DNAAF1: variants seen among roughly 807,000 people sequenced by gnomAD.
The protein encoded by DNAAF1 is dynein assembly factor 1, axonemal.
Under a neutral mutation model 71.1 loss-of-function variants are expected in DNAAF1, and 65 were observed. The observed-to-expected ratio is 0.91, with a 90% CI of 0.75 to 1.12. The LOEUF (loss-of-function observed/expected upper bound fraction) is 1.12, where lower values mean the gene tolerates loss of function less well. Among genes scored for constraint, DNAAF1 ranks in the 50% most tolerant of loss-of-function variants. DNAAF1 has a pLI of 0.00. For synonymous variants in DNAAF1, 414 were observed against 354.6 expected (o/e 1.17, Z -1.88); for missense variants, 1,178 against 899.8 (o/e 1.31, Z -3.96).
In DNAAF1 at chr16:84,147,752, G is replaced by GC. The variant is rs922871492; in HGVS notation, c.125-1247dup. ...AAGTCTTTTTTAATTAAAGAAATAAGCCCCCCCCAAAAAAAAAATAAAAAT... is the reference window on the plus strand; with the variant it reads ...AAGTCTTTTTTAATTAAAGAAATAAGCCCCCCCCCAAAAAAAAAATAAAAAT... On this transcript the variant is annotated intron_variant, in intron 1 of 11. Transcript: ENST00000378553. Among the ~76,000 whole-genome samples the GC allele has an allele frequency of 4.7e-3, 713 of 150,474 alleles. 5 individuals carry two copies. Among genetic ancestry groups the GC allele is most frequent in the East Asian group, 0.022 (112 of 5,150 alleles).
intron 2 of DNAAF1, among the ~76,000 whole-genome samples, chr16:84,149,497 C>T (rs2087081346): frequency 6.6e-6 from 1 of 151,780 alleles, no homozygotes; most frequent in African/African-American, 2.4e-5. Context: ...CGAGACCAGC[C>T]TGCACAATAT....
At chr16:84,172,108 A>G in intron 8 of DNAAF1, 152 bp from the exon 9 acceptor site, 1 of 742,780 alleles carries the variant, frequency 1.3e-6, no homozygotes, top group Non-Finnish European at 2.4e-6. Flanking sequence ...CAAACTTCTG[A>G]CCTTGTGATC....
At position 84,160,103 on chromosome 16, in the gene DNAAF1, C is replaced by G. The variant is rs8058923; in HGVS notation, c.863+307C>G. Among the ~76,000 whole-genome samples the G allele has an allele frequency of 0.025, 3,865 of 151,984 alleles. 77 individuals carry two copies. Among genetic ancestry groups the G allele is most frequent in the Middle Eastern group, 0.1 (30 of 294 alleles). On this transcript the variant is annotated intron_variant, in intron 6 of 11. Coordinates refer to ENST00000378553, the MANE Select transcript of DNAAF1 (RefSeq NM_178452.6). ...AAGTGGTTTCAGACTTTGTAAAAAC[C>G]CTTACAAATATTTTCTAGTTGTTTT...
At chr16:84,158,075 T>G (rs1424604243) in intron 5 of DNAAF1, among the ~76,000 whole-genome samples, 3 of 151,926 alleles carry the variant, frequency 2.0e-5, no homozygotes, top group Non-Finnish European at 4.4e-5. Context: ...CGTGGTGGCA[T>G]GCACCTGTAG....
intron 5 of DNAAF1, among the ~76,000 whole-genome samples, chr16:84,156,886 T>C (rs2087463464): frequency 7.1e-6 from 1 of 140,408 alleles, no homozygotes; most frequent in African/African-American, 2.7e-5. Context: ...AGGGTCTTGC[T>C]CTGTCACCCA....
At chr16:84,146,029 G>A (rs1348686823) in intron 1 of DNAAF1, among the ~76,000 whole-genome samples, 1 of 151,972 alleles carries the variant, frequency 6.6e-6, no homozygotes, top group African/African-American at 2.4e-5. Context: ...CCCGGGAGGC[G>A]GAGGTTGCAG....
At chr16:84,169,710 C>T (rs1341068708) in intron 7 of DNAAF1, 149 bp from the exon 8 acceptor site, 13 of 1,132,630 alleles carry the variant, frequency 1.1e-5, no homozygotes, top group Middle Eastern at 3.0e-4. Context: ...CACGAGCCAC[C>T]GCGCCCAGCC....
chr16:84,171,982 A>AT (rs1294978451), intron 8 of DNAAF1, among the ~76,000 whole-genome samples: 1 of 150,270 alleles, frequency 6.7e-6, no homozygotes, highest in Non-Finnish European at 1.5e-5. Flanking sequence ...GGTTCAAGCT[A>AT]TTCTCCTGCC....
At chr16:84,150,431 T>A (rs543143840) in intron 3 of DNAAF1, 89 bp downstream of exon 3, 1 of 978,830 alleles carries the variant, frequency 1.0e-6, no homozygotes, top group African/African-American at 1.6e-5. Flanking sequence ...TCACCTTTAG[T>A]TCTCAGAATG....
intron 1 of DNAAF1, among the ~76,000 whole-genome samples, chr16:84,147,767 A>T (rs1007100465): frequency 6.6e-6 from 1 of 152,116 alleles, no homozygotes; most frequent in East Asian, 1.9e-4. Flanking sequence ...CCCCAAAAAA[A>T]AAATAAAAAT....
At position 84,170,159 on chromosome 16, in the gene DNAAF1, C is replaced by T. The variant is rs753934024; in HGVS notation, c.1331C>T (p.Ala444Val). Reference protein sequence around the residue: ...GDGEPEGTLPAEAPPPPPPVE... With the variant: ...GDGEPEGTLPVEAPPPPPPVE... Reference sequence around the variant, plus strand: ...GGAGAGCCAGAGGGGACCCTCCCAGCTGAGGCCCCACCACCCCCGCCACCT... The same window carrying T: ...GGAGAGCCAGAGGGGACCCTCCCAGTTGAGGCCCCACCACCCCCGCCACCT... Residue 444 changes from alanine to valine, a missense_variant, in exon 8 of 12, where the codon GCT becomes GTT. By Grantham distance (64) the Ala-to-Val change is moderately conservative. Coordinates refer to ENST00000378553, the MANE Select transcript of DNAAF1 (RefSeq NM_178452.6). The T allele has an allele frequency of 3.2e-6, 5 of 1,584,998 alleles. No homozygotes were observed. The highest frequency in any genetic ancestry group is 4.3e-6 in the Non-Finnish European group (5 of 1,162,322).
At chr16:84,157,450 G>A (rs561135097) in intron 5 of DNAAF1, among the ~76,000 whole-genome samples, 45 of 142,474 alleles carry the variant, frequency 3.2e-4, no homozygotes, top group African/African-American at 1.2e-3. Flanking sequence ...TTGAACCCAG[G>A]AGGCATTGCA....
In DNAAF1 at chr16:84,176,007, A is replaced by G; in HGVS notation, c.1773A>G (p.Ser591=). The G allele has an allele frequency of 6.2e-7, 1 of 1,614,038 alleles. No homozygotes were observed. Among genetic ancestry groups the G allele is most frequent in the Non-Finnish European group, 8.5e-7 (1 of 1,179,998 alleles). ...DDSDPELDYT[S]LPVLENLPTD... ...GTGACCCTGAACTGGACTACACGTC[A>G]CTCCCTGTGCTGGAAAACCTCCCCA... The change falls in exon 11 of 12, where the codon TCA becomes TCG. Residue 591 remains serine (S), a synonymous_variant. Transcript: ENST00000378553.
rs868490752 is a variant in DNAAF1 at position 84,170,057 on chromosome 16, C to G, written c.1229C>G (p.Pro410Arg). ...PVEAKREDGG[P>R]EPEGTLPAET... is the part of the protein sequence containing the mutation. ...GAGGCTAAAAGAGAGGATGGAGGTC[C>G]AGAGCCAGAGGGGACCCTCCCAGCT... The change falls in exon 8 of 12, where the codon CCA becomes CGA. Residue 410 changes from proline (P) to arginine (R), a missense_variant. Coordinates refer to ENST00000378553, the MANE Select transcript of DNAAF1 (RefSeq NM_178452.6). The G allele has an allele frequency of 6.2e-7, 1 of 1,613,490 alleles. No homozygotes were observed. The highest frequency in any genetic ancestry group is 1.1e-5 in the South Asian group (1 of 91,038).
chr16:84,159,604 T>C (rs2087607448), intron 5 of DNAAF1, 71 bp from the exon 6 acceptor site: 1 of 1,543,474 alleles, frequency 6.5e-7, no homozygotes. Flanking sequence ...TTATTCTTAG[T>C]GCACAGCACA....
At chr16:84,174,954 C>G (rs1293152631) in intron 10 of DNAAF1, 6 of 490,024 alleles carry the variant, frequency 1.2e-5, no homozygotes, top group Non-Finnish European at 2.2e-5. Context: ...CTCCTGGGTT[C>G]AAGCAATTCT....
Position 84,169,978 on chromosome 16 carries a change from G to C in DNAAF1, c.1150G>C (p.Glu384Gln). 6.2e-7 allele frequency: 1 copy of C among 1,614,094 alleles called. No individual in the cohort carries two copies. Among genetic ancestry groups the C allele is most frequent in the South Asian group, 1.1e-5 (1 of 91,082 alleles). The change falls in exon 8 of 12, where the codon GAG becomes CAG. Residue 384 changes from glutamate (E) to glutamine (Q), a missense_variant. Physicochemically the swap from Glu to Gln is conservative, Grantham distance 29. Transcript: ENST00000378553. ...KMELFVKESF[E>Q]AKDELCPEKP... ...GGAGCTATTTGTTAAGGAAAGCTTT[G>C]AGGCCAAGGACGAGCTCTGCCCGGA...
At chr16:84,171,966 C>T (rs1358209070) in intron 8 of DNAAF1, among the ~76,000 whole-genome samples, 1 of 151,594 alleles carries the variant, frequency 6.6e-6, no homozygotes, top group Non-Finnish European at 1.5e-5. Context: ...CAACCTCCCT[C>T]TCCCAGGTTC....
Position 84,170,236 on chromosome 16 carries a change from G to C in DNAAF1, c.1408G>C (p.Ala470Pro), listed in dbSNP as rs1257453111. 6.2e-6 allele frequency: 10 copies of C among 1,609,574 alleles called. No individual in the cohort carries two copies. Among genetic ancestry groups the C allele is most frequent in the Non-Finnish European group, 8.5e-6 (10 of 1,178,020 alleles). ...TCAAGAGCCAGAGGGGACCCTCCCA[G>C]CTGAGACCCTGCTACTGTCACCGCC... The part of the protein sequence containing the change: ...GDQEPEGTLP[A>P]ETLLLSPPVK... The change falls in exon 8 of 12, where the codon GCT (alanine) becomes CCT (proline). Residue 470 changes from alanine (A) to proline (P), a missense_variant. Ala to Pro is a conservative substitution (Grantham distance 27, BLOSUM62 -1). Coordinates refer to ENST00000378553, the MANE Select transcript of DNAAF1 (RefSeq NM_178452.6).
Sources: allele counts gnomAD v4.1 joint callset (sites outside exome capture counted in the v4.1 genomes callset), GRCh38; gene constraint gnomAD v4.1.1; transcripts MANE v1.5; gene names NCBI Gene and HGNC (gene_info 2026-07-23, HGNC 2026-07-21).